Variants in CNTNAP4 observed in about 807,000 individuals in gnomAD.
The protein encoded by CNTNAP4 is contactin-associated protein-like 4.
Under a neutral mutation model 148.4 loss-of-function variants are expected in CNTNAP4, and 98 were observed. The ratio of observed to expected loss-of-function variants is 0.66; its 90% confidence interval spans 0.56 to 0.78. The LOEUF (loss-of-function observed/expected upper bound fraction) is 0.78, where lower values mean the gene tolerates loss of function less well. Ranked by LOEUF, CNTNAP4 falls within the 30% of genes least tolerant of loss-of-function variation. The pLI is 0.00. For synonymous variants in CNTNAP4, 730 were observed against 565.1 expected, an observed-to-expected ratio of 1.29 and a Z score of -4.14; for missense variants, 1,935 against 1,565.6, an observed-to-expected ratio of 1.24 and a Z score of -3.98.
intron 4 of CNTNAP4, among the ~76,000 whole-genome samples, chr16:76,431,987 C>T (rs4888503): frequency 0.99 from 150,427 of 152,236 alleles, 74,346 homozygotes; most frequent in East Asian, 1. Context: ...GAGTTGAAGA[C>T]GTAGAATTAA....
intron 3 of CNTNAP4, among the ~76,000 whole-genome samples, chr16:76,413,017 T>C (rs1270261986): frequency 6.6e-6 from 1 of 151,416 alleles, no homozygotes; most frequent in Non-Finnish European, 1.5e-5. Flanking sequence ...TATGGGTATG[T>C]GAAATGTTTT....
intron 2 of CNTNAP4, among the ~76,000 whole-genome samples, chr16:76,343,288 G>T (rs536851227): frequency 6.6e-6 from 1 of 152,262 alleles, no homozygotes; most frequent in East Asian, 1.9e-4. Context: ...AGGTTGCATT[G>T]TGAGACTTTC....
chr16:76,341,459 T>A (rs2144351792), intron 2 of CNTNAP4, among the ~76,000 whole-genome samples: 1 of 152,286 alleles, frequency 6.6e-6, no homozygotes, highest in Middle Eastern at 3.4e-3. Context: ...TGGAAATGAC[T>A]TTGAAGGTTA....
At chr16:76,522,291 A>G (rs780413101) in intron 17 of CNTNAP4, 34 bp downstream of exon 17, 36 of 1,570,112 alleles carry the variant, frequency 2.3e-5, no homozygotes, top group Non-Finnish European at 3.2e-5. Context: ...ATTTTATTGT[A>G]TGATATGTGT....
intron 1 of CNTNAP4, among the ~76,000 whole-genome samples, chr16:76,311,751 G>T (rs918669): frequency 0.47 from 70,585 of 151,742 alleles, 17,083 homozygotes; most frequent in African/African-American, 0.59. Context: ...TTGTACAGAC[G>T]TCCATGAAAT....
chr16:76,322,039 G>A (rs926286864), intron 2 of CNTNAP4, among the ~76,000 whole-genome samples: 8 of 152,098 alleles, frequency 5.3e-5, no homozygotes, highest in African/African-American at 1.9e-4. Context: ...CACTGGAGAT[G>A]CCCTGTACTT....
chr16:76,553,523 A>T (rs1168779796), intron 22 of CNTNAP4, 22 bp downstream of exon 22: 1 of 1,535,620 alleles, frequency 6.5e-7, no homozygotes. Context: ...TTCTTCCTCT[A>T]CTCAGTCACA....
chr16:76,305,272 T>A (rs1026612712), intron 1 of CNTNAP4, among the ~76,000 whole-genome samples: 5 of 152,198 alleles, frequency 3.3e-5, no homozygotes, highest in Non-Finnish European at 5.9e-5. Flanking sequence ...TTTGTATACT[T>A]ATACTTTCTC....
At chr16:76,464,077 G>A (rs2081085120) in intron 9 of CNTNAP4, among the ~76,000 whole-genome samples, 1 of 152,174 alleles carries the variant, frequency 6.6e-6, no homozygotes, top group Non-Finnish European at 1.5e-5. Context: ...AGGGCTGGAA[G>A]CAAGGAGCCG....
At chr16:76,355,672 C>T (rs1017715561) in intron 3 of CNTNAP4, among the ~76,000 whole-genome samples, 161 bp downstream of exon 3, 2 of 151,978 alleles carry the variant, frequency 1.3e-5, no homozygotes, top group Non-Finnish European at 2.9e-5. Flanking sequence ...TTTTCCAATA[C>T]ATTTTATGGT....
chr16:76,355,840 T>TTTATTTATTTA (rs1238134663), intron 3 of CNTNAP4, among the ~76,000 whole-genome samples: 1 of 141,718 alleles, frequency 7.1e-6, no homozygotes, highest in African/African-American at 2.6e-5. Context: ...TTGCATTGTC[T>TTTATTTATTTA]TTTATTTATT....
intron 3 of CNTNAP4, among the ~76,000 whole-genome samples, chr16:76,371,948 A>G (rs915682202): frequency 1.1e-4 from 17 of 152,100 alleles, no homozygotes; most frequent in African/African-American, 3.9e-4. Context: ...CACTTTTCCA[A>G]TATTCACTTA....
chr16:76,452,592 T>C lies in CNTNAP4; in HGVS notation c.1156T>C (p.Phe386Leu), dbSNP rs757055752. 3 of 1,613,900 alleles carry C rather than the reference T, an allele frequency of 1.9e-6. No individual in the cohort carries two copies. Among genetic ancestry groups the C allele is most frequent in the African/African-American group, 2.7e-5 (2 of 74,938 alleles). Residue 386 changes from phenylalanine (F) to leucine (L), a missense_variant, in exon 8 of 24, where the codon TTC becomes CTC. Coordinates refer to ENST00000611870, the MANE Select transcript of CNTNAP4 (RefSeq NM_033401.5). Reference sequence around the variant, plus strand: ...CAGGAGTTATTTAGCACTGCCAGACTTCTCTGGAGAGGAGGAGGTTTCTGC... The same window carrying C: ...CAGGAGTTATTTAGCACTGCCAGACCTCTCTGGAGAGGAGGAGGTTTCTGC... ...SSRSYLALPD[F>L]SGEEEVSATF...
chr16:76,383,334 G>C (rs1162772894), intron 3 of CNTNAP4, among the ~76,000 whole-genome samples: 2 of 149,702 alleles, frequency 1.3e-5, no homozygotes, highest in African/African-American at 4.9e-5. Context: ...AGTAGACAAT[G>C]TGTGCTTCGA....
intron 4 of CNTNAP4, among the ~76,000 whole-genome samples, chr16:76,428,329 G>A (rs768533993): frequency 6.6e-6 from 1 of 152,006 alleles, no homozygotes; most frequent in East Asian, 1.9e-4. Flanking sequence ...GACTAACAGT[G>A]TGAGGTTTGA....
At chr16:76,320,871 A>G (rs1053982131) in intron 2 of CNTNAP4, among the ~76,000 whole-genome samples, 3 of 152,322 alleles carry the variant, frequency 2.0e-5, no homozygotes, top group East Asian at 1.9e-4. Context: ...AAATAATACA[A>G]TAGTAAATAA....
intron 17 of CNTNAP4, among the ~76,000 whole-genome samples, chr16:76,522,737 T>G (rs964541946): frequency 1.9e-5 from 2 of 105,578 alleles, no homozygotes; most frequent in African/African-American, 8.0e-5. Flanking sequence ...TTTTCTTTTC[T>G]TTTCTTTTCT....
intron 1 of CNTNAP4, chr16:76,316,162 C>A: frequency 1.8e-6 from 1 of 555,554 alleles, no homozygotes; most frequent in Non-Finnish European, 3.2e-6. Flanking sequence ...TCTTTTCTAC[C>A]TTAAGATATT....
rs529990802 is a variant in CNTNAP4 at position 76,281,785 on chromosome 16, T to C, written c.85+4038T>C. ...TTTTGTATGACCCATGGGCTAAGAA[T>C]AGTTCTTCCATTTTTAGCTGAAAAA... On this transcript the variant is annotated intron_variant, in intron 1 of 23. Coordinates refer to ENST00000611870, the MANE Select transcript of CNTNAP4 (RefSeq NM_033401.5). 4.3e-3 allele frequency among the ~76,000 whole-genome samples: 653 copies of C among 152,092 alleles called. 2 individuals are homozygous for C. Among genetic ancestry groups the C allele is most frequent in the Non-Finnish European group, 6.9e-3 (466 of 67,862 alleles).
Sources: allele counts gnomAD v4.1 joint callset (sites outside exome capture counted in the v4.1 genomes callset), GRCh38; gene constraint gnomAD v4.1.1; transcripts MANE v1.5; gene names NCBI Gene and HGNC (gene_info 2026-07-23, HGNC 2026-07-21).